Variants in SETBP1 observed in about 807,000 individuals in gnomAD.
The protein encoded by SETBP1 is SET-binding protein.
In SETBP1, 9 loss-of-function variants were observed where a neutral mutation model predicts 101.0. The ratio of observed to expected loss-of-function variants is 0.09; its 90% confidence interval spans 0.05 to 0.16. SETBP1 has a LOEUF of 0.16. Ranked by LOEUF, SETBP1 falls within the 10% of genes least tolerant of loss-of-function variation. The probability of loss-of-function intolerance (pLI) is 1.00; values close to 1 mark genes in which losing one functional copy is unlikely to be tolerated. For synonymous variants in SETBP1, 818 were observed against 788.5 expected (o/e 1.04, Z -0.63); for missense variants, 1,858 against 2,033.8 (o/e 0.91, Z 1.66).
intron 4 of SETBP1, among the ~76,000 whole-genome samples, chr18:44,991,344 A>T (rs2072374501): frequency 6.6e-6 from 1 of 152,022 alleles, no homozygotes; most frequent in African/African-American, 2.4e-5. Context: ...TAAAAGCTTT[A>T]AAAAGGCCAG....
At chr18:44,682,406 CAG>C (rs1454443157) in intron 1 of SETBP1, among the ~76,000 whole-genome samples, 6 of 152,182 alleles carry the variant, frequency 3.9e-5, no homozygotes, top group African/African-American at 1.4e-4. Context: ...GCCAACCAGA[CAG>C]GGGCGTGTGA....
At chr18:44,818,484 C>A (rs2072031545) in intron 2 of SETBP1, among the ~76,000 whole-genome samples, 2 of 152,118 alleles carry the variant, frequency 1.3e-5, no homozygotes, top group Admixed American at 1.3e-4. Context: ...AACCAGTGAC[C>A]ATGGTCAGTG....
chr18:44,994,870 C>T (rs1412678071), intron 4 of SETBP1, among the ~76,000 whole-genome samples: 2 of 152,122 alleles, frequency 1.3e-5, no homozygotes, highest in Non-Finnish European at 2.9e-5. Flanking sequence ...GGAGGTTGGG[C>T]AGGGTTGCCA....
upstream of SETBP1, chr18:44,680,187 C>T (rs1215737871): frequency 6.9e-6 from 1 of 143,976 alleles, no homozygotes; most frequent in Non-Finnish European, 1.5e-5. Flanking sequence ...GCGGGGCCGG[C>T]CGGGGCGCCC....
chr18:44,821,413 C>A (rs992195972), intron 2 of SETBP1, among the ~76,000 whole-genome samples: 5 of 152,142 alleles, frequency 3.3e-5, no homozygotes, highest in Admixed American at 6.5e-5. Flanking sequence ...TACATCCTTG[C>A]GGGGCCCTAC....
rs775108970 is a variant in SETBP1 at position 44,953,288 on chromosome 18, C to T, written c.3948C>T (p.Ala1316=). ...FGTYREKDIQ[A]FKMNRKERSS... ...CGTACAGGGAAAAGGACATCCAAGC[C>T]TTCAAGATGAACCGCAAGGAGAGAA... The change falls in exon 4 of 6, where the codon GCC becomes GCT. Residue 1316 remains alanine, a synonymous_variant. Coordinates refer to ENST00000649279, the MANE Select transcript of SETBP1 (RefSeq NM_015559.3). 35 of 1,613,960 alleles carry T rather than the reference C, an allele frequency of 2.2e-5. No homozygotes were observed. The South Asian group carries it at 3.8e-4, about 18-fold the overall frequency.
At chr18:44,930,426 G>C (rs112953718) in intron 3 of SETBP1, among the ~76,000 whole-genome samples, 1 of 152,070 alleles carries the variant, frequency 6.6e-6, no homozygotes, top group East Asian at 1.9e-4. Context: ...GCCAGGCTTT[G>C]GTATCAGGAT....
At chr18:44,965,788 T>C (rs537237512) in intron 4 of SETBP1, among the ~76,000 whole-genome samples, 45 of 152,344 alleles carry the variant, frequency 3.0e-4, no homozygotes, top group African/African-American at 1.0e-3. Flanking sequence ...ATCTGTCTTA[T>C]AGAGGAGAAT....
At chr18:44,784,887 A>T (rs1048597648) in intron 2 of SETBP1, among the ~76,000 whole-genome samples, 1 of 152,228 alleles carries the variant, frequency 6.6e-6, no homozygotes, top group Admixed American at 6.5e-5. Context: ...ATGTATTTAT[A>T]CATGGGAGTT....
chr18:45,049,507 A>C (rs2073686527), intron 5 of SETBP1, among the ~76,000 whole-genome samples: 1 of 152,216 alleles, frequency 6.6e-6, no homozygotes, highest in Non-Finnish European at 1.5e-5. Context: ...CATAATAATC[A>C]AGATTTCTGG....
In SETBP1 at chr18:44,952,954, A is replaced by C; in HGVS notation, c.3614A>C (p.Lys1205Thr). Residue 1205 changes from lysine (K) to threonine (T), a missense_variant, in exon 4 of 6, where the codon AAG becomes ACG. This residue lies in a region of SETBP1 where 417 missense variants were observed against 389.1 expected (regional missense o/e 1.07). Transcript: ENST00000649279. ...KELPLVSEKNKHKEKQKHQHS... is the reference protein window; with the variant it reads ...KELPLVSEKNTHKEKQKHQHS... ...CTCCCGCTGGTGAGTGAGAAGAACA[A>C]GCATAAGGAGAAACAGAAGCACCAG... is the stretch of plus-strand genomic sequence containing the variant. 1 of 1,614,166 alleles carries C rather than the reference A, an allele frequency of 6.2e-7. No individual in the cohort carries two copies. Among genetic ancestry groups the C allele is most frequent in the Non-Finnish European group, 8.5e-7 (1 of 1,180,024 alleles).
intron 4 of SETBP1, among the ~76,000 whole-genome samples, chr18:44,992,621 G>A (rs954020552): frequency 6.6e-6 from 1 of 151,956 alleles, no homozygotes; most frequent in Non-Finnish European, 1.5e-5. Context: ...GACATAGCTT[G>A]GGAAAAGAAT....
At chr18:44,837,802 A>G (rs1221763509) in intron 2 of SETBP1, among the ~76,000 whole-genome samples, 2 of 152,172 alleles carry the variant, frequency 1.3e-5, no homozygotes, top group Non-Finnish European at 2.9e-5. Context: ...TATCCATATC[A>G]ATTCCAGGGC....
Position 44,818,240 on chromosome 18 carries a change from G to GT in SETBP1, c.487-50984dup, listed in dbSNP as rs574726685. ...TAATTGGAGAGATGTTTCATTGCATGTTTTTTCACATGCAGAAAGGAATTT... is the reference window on the plus strand; with the variant it reads ...TAATTGGAGAGATGTTTCATTGCATGTTTTTTTCACATGCAGAAAGGAATTT... On this transcript the variant is annotated intron_variant, in intron 2 of 5. Coordinates refer to ENST00000649279, the MANE Select transcript of SETBP1 (RefSeq NM_015559.3). Among the ~76,000 whole-genome samples, 264 of 152,246 alleles carry GT rather than the reference G, an allele frequency of 1.7e-3. 3 individuals are homozygous for GT. Among genetic ancestry groups the GT allele is most frequent in the African/African-American group, 6.1e-3 (253 of 41,532 alleles).
At chr18:44,986,587 A>G (rs530534209) in intron 4 of SETBP1, 1 of 150,794 alleles carries the variant, frequency 6.6e-6, no homozygotes, top group South Asian at 2.1e-4. Context: ...TATTTCTTAT[A>G]TTCTTATTCT....
intron 4 of SETBP1, among the ~76,000 whole-genome samples, chr18:45,018,633 T>C (rs1245840759): frequency 6.6e-6 from 1 of 152,226 alleles, no homozygotes; most frequent in African/African-American, 2.4e-5. Context: ...GCTGGATAGA[T>C]TTTTACTTCA....
chr18:44,694,304 T>A (rs1005953424), intron 1 of SETBP1, among the ~76,000 whole-genome samples: 2 of 152,168 alleles, frequency 1.3e-5, no homozygotes, highest in African/African-American at 4.8e-5. Flanking sequence ...CTGAGCCTCC[T>A]GGGTTCAAGT....
intron 3 of SETBP1, among the ~76,000 whole-genome samples, chr18:44,915,939 C>T (rs1258253812): frequency 6.6e-6 from 1 of 152,158 alleles, no homozygotes; most frequent in Non-Finnish European, 1.5e-5. Flanking sequence ...AAAAAGTTTT[C>T]TCTTGGCCAC....
chr18:44,821,351 C>G (rs1864086927), intron 2 of SETBP1, among the ~76,000 whole-genome samples: 1 of 152,220 alleles, frequency 6.6e-6, no homozygotes, highest in Admixed American at 6.5e-5. Context: ...TCATTATGGT[C>G]ACATCAGTCT....
Sources: gnomAD v4.1 joint callset for allele counts (sites outside exome capture counted in the v4.1 genomes callset) on GRCh38, gnomAD v4.1.1 for gene constraint, gnomAD v4.1.1 regional missense constraint, MANE v1.5 for transcripts, NCBI Gene and HGNC (gene_info 2026-07-23, HGNC 2026-07-21) for gene names.